The following ESRRG variants were observed in gnomAD, a reference collection of about 807,000 sequenced individuals.
The protein encoded by ESRRG is estrogen related receptor gamma.
A neutral mutation model predicts 44.0 loss-of-function variants in ESRRG; 13 were observed. That is an observed-to-expected ratio of 0.30 (90% confidence interval 0.19 to 0.47). The LOEUF is 0.47. ESRRG is among the 20% of genes least tolerant of loss of function. The pLI is 1.00. For synonymous variants in ESRRG, 215 were observed against 214.6 expected, an observed-to-expected ratio of 1.00 and a Z score of -0.02; for missense variants, 395 against 580.6, an observed-to-expected ratio of 0.68 and a Z score of 3.29.
At chr1:216,667,342 A>G (rs532553612) in intron 2 of ESRRG, among the ~76,000 whole-genome samples, 58 of 152,314 alleles carry the variant, frequency 3.8e-4, no homozygotes, top group African/African-American at 1.3e-3. Context: ...TCCATGAAAT[A>G]TGGGCTTATG....
At chr1:217,071,837 G>C (rs1213970406) in intron 1 of ESRRG, among the ~76,000 whole-genome samples, 1 of 152,176 alleles carries the variant, frequency 6.6e-6, no homozygotes, top group Non-Finnish European at 1.5e-5. Flanking sequence ...GAGATGAAGA[G>C]TAGTTCAGTT....
intron 2 of ESRRG, among the ~76,000 whole-genome samples, chr1:216,835,876 G>A (rs2095556950): frequency 6.6e-6 from 1 of 152,094 alleles, no homozygotes; most frequent in African/African-American, 2.4e-5. Context: ...TTAATGTCTT[G>A]AGAACAAAAC....
chr1:216,952,868 T>C (rs1260067833), intron 1 of ESRRG, among the ~76,000 whole-genome samples: 1 of 152,102 alleles, frequency 6.6e-6, no homozygotes, highest in African/African-American at 2.4e-5. Flanking sequence ...CCAAGAGTCA[T>C]CAATTTTCTA....
At chr1:216,983,801 A>G (rs1310583232) in intron 1 of ESRRG, among the ~76,000 whole-genome samples, 1 of 106,554 alleles carries the variant, frequency 9.4e-6, no homozygotes. Flanking sequence ...AAGTTATTAT[A>G]AAAAATGCAT....
At chr1:216,843,017 G>A (rs1203665029) in intron 2 of ESRRG, among the ~76,000 whole-genome samples, 1 of 152,018 alleles carries the variant, frequency 6.6e-6, no homozygotes, top group Admixed American at 6.6e-5. Flanking sequence ...CTTTCTTTTT[G>A]CCTTAAAGAG....
chr1:216,602,552 T>C (rs2059390996), intron 3 of ESRRG, among the ~76,000 whole-genome samples: 2 of 152,178 alleles, frequency 1.3e-5, no homozygotes, highest in South Asian at 4.1e-4. Context: ...CCTGGAACAC[T>C]TTGGCCATTT....
chr1:216,670,827 G>A (rs2075032440), intron 2 of ESRRG, among the ~76,000 whole-genome samples: 1 of 152,082 alleles, frequency 6.6e-6, no homozygotes, highest in South Asian at 2.1e-4. Flanking sequence ...GAAAGGGGAT[G>A]GGCTGCAGGC....
At chr1:216,768,107 T>C (rs1559556894) in intron 2 of ESRRG, among the ~76,000 whole-genome samples, 1 of 152,112 alleles carries the variant, frequency 6.6e-6, no homozygotes, top group Non-Finnish European at 1.5e-5. Context: ...AATCACACTT[T>C]CAGTTGAGGA....
intron 1 of ESRRG, among the ~76,000 whole-genome samples, chr1:216,698,882 A>T (rs1490659337): frequency 6.6e-6 from 1 of 152,162 alleles, no homozygotes; most frequent in African/African-American, 2.4e-5. Context: ...GGCGACTTTC[A>T]TCCTAGCCTA....
chr1:217,099,381 A>AT (rs1048030102), intron 1 of ESRRG, among the ~76,000 whole-genome samples: 18 of 152,174 alleles, frequency 1.2e-4, no homozygotes, highest in South Asian at 4.1e-4. Context: ...CAGAGCAAAA[A>AT]AAAAAAAAAA....
At chr1:216,576,268 A>G (rs2061660314) in intron 3 of ESRRG, among the ~76,000 whole-genome samples, 1 of 151,928 alleles carries the variant, frequency 6.6e-6, no homozygotes, top group Non-Finnish European at 1.5e-5. Flanking sequence ...ATGTGGAAAC[A>G]TTATAAGGTC....
chr1:216,945,078 CT>C (rs1578478751), intron 1 of ESRRG, among the ~76,000 whole-genome samples: 2 of 152,096 alleles, frequency 1.3e-5, no homozygotes, highest in South Asian at 4.1e-4. Context: ...ATAGCTCCCC[CT>C]ATCTTTAATA....
intron 1 of ESRRG, among the ~76,000 whole-genome samples, chr1:216,701,877 A>T (rs145645888): frequency 1.8e-3 from 270 of 152,348 alleles, no homozygotes; most frequent in African/African-American, 6.1e-3. Flanking sequence ...GCAGTATTTA[A>T]AGTAGCCAGA....
At chr1:216,516,512 G>A (rs2044300021) in intron 6 of ESRRG, among the ~76,000 whole-genome samples, 1 of 151,770 alleles carries the variant, frequency 6.6e-6, no homozygotes, top group East Asian at 1.9e-4. Flanking sequence ...ATGAGTCAAT[G>A]GTTTTTAATA....
chr1:216,512,735 T>G (rs1003434959), intron 6 of ESRRG, among the ~76,000 whole-genome samples: 2 of 152,158 alleles, frequency 1.3e-5, no homozygotes, highest in Non-Finnish European at 2.9e-5. Flanking sequence ...TAATATCTAG[T>G]ATCTGTGAAT....
intron 2 of ESRRG, among the ~76,000 whole-genome samples, chr1:216,825,554 G>T (rs1179697840): frequency 6.6e-6 from 1 of 152,174 alleles, no homozygotes; most frequent in Non-Finnish European, 1.5e-5. Flanking sequence ...GAGGTAGTGA[G>T]TTCTAAGTTA....
At chr1:217,054,985 G>A (rs927184118) in intron 1 of ESRRG, among the ~76,000 whole-genome samples, 3 of 152,176 alleles carry the variant, frequency 2.0e-5, no homozygotes, top group Non-Finnish European at 2.9e-5. Context: ...ATGGGCACAG[G>A]CAGAGGTGAA....
chr1:216,679,240 G>A (rs1478510804), intron 1 of ESRRG, among the ~76,000 whole-genome samples: 2 of 152,094 alleles, frequency 1.3e-5, no homozygotes, highest in Non-Finnish European at 2.9e-5. Context: ...GAACTACGGC[G>A]TCCTCTCTCT....
At chr1:216,831,149 CA>C (rs1165610684) in intron 2 of ESRRG, among the ~76,000 whole-genome samples, 1 of 151,608 alleles carries the variant, frequency 6.6e-6, no homozygotes, top group African/African-American at 2.4e-5. Flanking sequence ...TTAAATATTT[CA>C]AAGGGGGGAG....
Sources: gnomAD v4.1 joint callset for allele counts (sites outside exome capture counted in the v4.1 genomes callset) on GRCh38, gnomAD v4.1.1 for gene constraint, MANE v1.5 for transcripts, NCBI Gene and HGNC (gene_info 2026-07-23, HGNC 2026-07-21) for gene names.